The following CNTLN variants were observed in gnomAD, a reference collection of about 807,000 sequenced individuals.
CNTLN encodes the protein centlein.
A neutral mutation model predicts 180.0 loss-of-function variants in CNTLN; 212 were observed. The observed-to-expected ratio is 1.18, with a 90% CI of 1.05 to 1.32. The LOEUF (loss-of-function observed/expected upper bound fraction) is 1.32. Ranked by LOEUF, CNTLN falls within the 40% of genes most tolerant of loss-of-function variation. The pLI is 0.00. For synonymous variants in CNTLN, 722 were observed against 563.1 expected (o/e 1.28, Z -3.99); for missense variants, 2,095 against 1,610.9 (o/e 1.30, Z -5.14).
downstream of CNTLN, among the ~76,000 whole-genome samples, chr9:17,506,696 C>T (rs961084910): frequency 5.3e-5 from 8 of 150,630 alleles, no homozygotes; most frequent in East Asian, 2.0e-4. Context: ...GTAGCCACAA[C>T]AAGAGAAGCT....
chr9:17,301,065 T>C (rs2032676114), intron 7 of CNTLN: 30 of 985,286 alleles, frequency 3.0e-5, no homozygotes, highest in Non-Finnish European at 3.4e-5. Flanking sequence ...GTTCCAAGAC[T>C]AAGGATAAAG....
rs1343608691 is a variant in CNTLN, at chr9:17,388,220, T to G, written c.2046T>G (p.Asn682Lys). The G allele has an allele frequency of 1.2e-6, 2 of 1,612,406 alleles. No individual in the cohort carries two copies. Among genetic ancestry groups the G allele is most frequent in the South Asian group, 2.2e-5 (2 of 90,942 alleles). ...DEVKRSTPEK[N>K]GKEMLEQTLQ... ...TCAAGAGGAGTACTCCAGAGAAGAA[T>G]GGAAAAGAAATGTTGGAGCAGACAT... The change falls in exon 14 of 26, where the codon AAT (asparagine) becomes AAG (lysine). Residue 682 changes from asparagine to lysine, a missense_variant. Physicochemically the swap from Asn to Lys is moderately conservative, Grantham distance 94. Coordinates refer to ENST00000380647, the MANE Select transcript of CNTLN (RefSeq NM_017738.4).
chr9:17,477,739 G>A (rs528985021), intron 23 of CNTLN, among the ~76,000 whole-genome samples: 2 of 152,358 alleles, frequency 1.3e-5, no homozygotes, highest in African/African-American at 4.8e-5. Flanking sequence ...AGAGAAAGCG[G>A]TTTCCTGAGA....
chr9:17,301,179 C>G, intron 7 of CNTLN: 1 of 985,354 alleles, frequency 1.0e-6, no homozygotes, highest in South Asian at 4.7e-5. Context: ...GACTCTAGTT[C>G]AAACCAGAAA....
Position 17,405,652 on chromosome 9 carries a change from G to C in CNTLN, c.2616-3641G>C, listed in dbSNP as rs529113738. On this transcript the variant is annotated intron_variant, in intron 15 of 25. Transcript: ENST00000380647. Reference sequence around the variant, plus strand: ...TTGTGTTTCCAAGATGTGAACTTTGGAGGACACATTAAAAGCTGCACTCAT... The same window carrying C: ...TTGTGTTTCCAAGATGTGAACTTTGCAGGACACATTAAAAGCTGCACTCAT... 3.3e-5 allele frequency among the ~76,000 whole-genome samples: 5 copies of C among 151,774 alleles called. No homozygotes were observed. The East Asian group carries it at 9.6e-4, about 29-fold the overall frequency.
At chr9:17,353,198 C>T (rs1292305374) in intron 12 of CNTLN, among the ~76,000 whole-genome samples, 1 of 151,984 alleles carries the variant, frequency 6.6e-6, no homozygotes, top group Non-Finnish European at 1.5e-5. Flanking sequence ...TCAAGCGATC[C>T]TCCCATGTCA....
the CNTLN span, among the ~76,000 whole-genome samples, chr9:17,518,130 C>T: frequency 6.8e-6 from 1 of 147,748 alleles, no homozygotes; most frequent in East Asian, 2.1e-4. Context: ...TCACCGCAAC[C>T]TCTGCCTCCT....
intron 6 of CNTLN, among the ~76,000 whole-genome samples, chr9:17,292,384 T>C (rs2132705196): frequency 6.6e-6 from 1 of 152,342 alleles, no homozygotes; most frequent in Admixed American, 6.5e-5. Flanking sequence ...CTAGATGATA[T>C]CCTGAGGTAT....
At chr9:17,322,415 A>G (rs1587652421) in intron 8 of CNTLN, among the ~76,000 whole-genome samples, 1 of 152,134 alleles carries the variant, frequency 6.6e-6, no homozygotes, top group African/African-American at 2.4e-5. Context: ...TGAAAAATAA[A>G]CCATTTCTGC....
chr9:17,229,870 T>G (rs1037839218), intron 3 of CNTLN, among the ~76,000 whole-genome samples: 2 of 152,144 alleles, frequency 1.3e-5, no homozygotes, highest in Non-Finnish European at 2.9e-5. Flanking sequence ...GTGGTATGAG[T>G]TAGAGGCAGA....
At chr9:17,514,769 CTG>C in the CNTLN span, among the ~76,000 whole-genome samples, 6 of 152,190 alleles carry the variant, frequency 3.9e-5, no homozygotes, top group African/African-American at 1.2e-4. Flanking sequence ...TGGCATGCCA[CTG>C]AGATTTTGTA....
chr9:17,412,941 G>A (rs1827963275), intron 16 of CNTLN, among the ~76,000 whole-genome samples: 1 of 152,062 alleles, frequency 6.6e-6, no homozygotes, highest in Admixed American at 6.6e-5. Context: ...CAAATAAATA[G>A]AAGATATAAA....
chr9:17,288,611 T>G (rs1001228582), intron 6 of CNTLN, among the ~76,000 whole-genome samples: 1 of 132,124 alleles, frequency 7.6e-6, no homozygotes, highest in African/African-American at 3.2e-5. Flanking sequence ...AGTGGGGTGT[T>G]AAAGTCTCCC....
the CNTLN span, among the ~76,000 whole-genome samples, chr9:17,514,674 G>T: frequency 1.1e-4 from 16 of 152,314 alleles, no homozygotes; most frequent in African/African-American, 3.8e-4. Flanking sequence ...TATTCCAAGT[G>T]TACTGGTTTT....
Position 17,366,632 on chromosome 9 carries a change from A to C in CNTLN, c.1902A>C (p.Glu634Asp), listed in dbSNP as rs1312372480. ...TTTTTCATAGGATGAATCTTGAAGA[A>C]GAATTAGATGAACTTAAAGTACATA... ...ELMIQKMNLE[E>D]ELDELKVHIS... The change falls in exon 13 of 26, where the codon GAA becomes GAC. Residue 634 changes from glutamate (E) to aspartate (D), a missense_variant. Glu to Asp is a conservative substitution (Grantham distance 45). Coordinates refer to ENST00000380647, the MANE Select transcript of CNTLN (RefSeq NM_017738.4). 1 of 1,525,002 alleles carries C rather than the reference A, an allele frequency of 6.6e-7. No individual in the cohort carries two copies. The highest frequency in any genetic ancestry group is 9.0e-7 in the Non-Finnish European group (1 of 1,107,690). 94.5% of individuals were successfully genotyped at this position (1,525,002 alleles called of 1,614,324 possible).
chr9:17,265,025 C>G (rs56831316), intron 5 of CNTLN, among the ~76,000 whole-genome samples: 1 of 142,484 alleles, frequency 7.0e-6, no homozygotes, highest in South Asian at 2.5e-4. Context: ...AATTGAATAC[C>G]CTTTATTTCC....
chr9:17,501,272 G>A (rs1445878589), intron 25 of CNTLN, among the ~76,000 whole-genome samples: 1 of 152,192 alleles, frequency 6.6e-6, no homozygotes, highest in Non-Finnish European at 1.5e-5. Flanking sequence ...CACAGACTCA[G>A]GCTACCTTAA....
chr9:17,173,173 G>A (rs1007670271), intron 2 of CNTLN, among the ~76,000 whole-genome samples: 1 of 152,012 alleles, frequency 6.6e-6, no homozygotes, highest in African/African-American at 2.4e-5. Flanking sequence ...TGAAGTTATA[G>A]CTATAATGCT....
intron 2 of CNTLN, among the ~76,000 whole-genome samples, chr9:17,213,331 A>G (rs1489268910): frequency 4.6e-5 from 7 of 152,162 alleles, no homozygotes; most frequent in Admixed American, 4.6e-4. Context: ...GTCATTCAGG[A>G]GCAGGTTGTT....
Sources: allele counts gnomAD v4.1 joint callset (sites outside exome capture counted in the v4.1 genomes callset), GRCh38; gene constraint gnomAD v4.1.1; transcripts MANE v1.5; gene names NCBI Gene and HGNC (gene_info 2026-07-23, HGNC 2026-07-21).